The following TEC variants were observed in gnomAD, a reference collection of about 807,000 sequenced individuals.
The protein encoded by TEC is tyrosine-protein kinase Tec.
TEC carries 72 observed loss-of-function variants against 93.0 expected under a neutral mutation model. The ratio of observed to expected loss-of-function variants is 0.77; its 90% CI spans 0.64 to 0.94. The LOEUF is 0.94. TEC is among the 40% of genes least tolerant of loss of function. TEC has a pLI of 0.00. For synonymous variants in TEC, 249 were observed against 247.7 expected, an observed-to-expected ratio of 1.01 and a Z score of -0.05; for missense variants, 630 against 757.9, an observed-to-expected ratio of 0.83 and a Z score of 1.98.
chr4:48,269,506 A>G (rs1481268045), intron 1 of TEC, among the ~76,000 whole-genome samples: 1 of 152,238 alleles, frequency 6.6e-6, no homozygotes, highest in Non-Finnish European at 1.5e-5. Flanking sequence ...AGAAGTGGAG[A>G]ATCTACTGCC....
In TEC at chr4:48,194,568, G is replaced by A. The variant is rs550479022; in HGVS notation, c.139-18382C>T. On this transcript the variant is annotated intron_variant, in intron 2 of 17. Transcript: ENST00000381501. ...GAAACATTCCCTCCTTGTTTTCAAT[G>A]AATACAGTCAGCCATACCAGGTAAA... Among the ~76,000 whole-genome samples, 213 of 152,224 alleles carry A rather than the reference G, an allele frequency of 1.4e-3. 2 individuals are homozygous for A. The highest frequency in any genetic ancestry group is 4.9e-3 in the African/African-American group (204 of 41,510).
At chr4:48,242,243 A>T (rs2109657944) in intron 1 of TEC, among the ~76,000 whole-genome samples, 1 of 152,368 alleles carries the variant, frequency 6.6e-6, no homozygotes, top group East Asian at 1.9e-4. Flanking sequence ...TCCATTACAT[A>T]TCAATTTCTC....
chr4:48,187,998 T>C (rs772950698), intron 2 of TEC, among the ~76,000 whole-genome samples: 16 of 152,174 alleles, frequency 1.1e-4, no homozygotes, highest in Non-Finnish European at 1.6e-4. Flanking sequence ...TTATCTGCCA[T>C]GCACTTAAGT....
chr4:48,210,390 TGGGAGGATCCCTTG>T (rs1722860375), intron 2 of TEC, among the ~76,000 whole-genome samples: 1 of 151,836 alleles, frequency 6.6e-6, no homozygotes, highest in Admixed American at 6.6e-5. Flanking sequence ...GAGGCCAAGG[TGGGAGGATCCCTTG>T]AGCCCAGGAG....
intron 2 of TEC, among the ~76,000 whole-genome samples, chr4:48,179,367 TATATATATA>T (rs200933014): frequency 1.0e-3 from 43 of 41,130 alleles, no homozygotes; most frequent in East Asian, 2.6e-3. Context: ...TATATATATA[TATATATATA>T]TTTTTTTTTT....
intron 2 of TEC, among the ~76,000 whole-genome samples, chr4:48,201,369 T>C (rs556600278): frequency 2.2e-4 from 33 of 152,066 alleles, no homozygotes; most frequent in Non-Finnish European, 4.3e-4. Flanking sequence ...ACTGGGAAAG[T>C]CATCTGCACA....
chr4:48,211,323 C>T (rs1722890408), intron 2 of TEC, among the ~76,000 whole-genome samples: 1 of 152,106 alleles, frequency 6.6e-6, no homozygotes, highest in Non-Finnish European at 1.5e-5. Context: ...GAATTTTGGT[C>T]TTGTTTCCTG....
chr4:48,266,261 A>T (rs537619364), intron 1 of TEC, among the ~76,000 whole-genome samples: 28 of 152,342 alleles, frequency 1.8e-4, no homozygotes, highest in Non-Finnish European at 3.2e-4. Context: ...TGAGGAAGAC[A>T]TGTGCTACAA....
intron 2 of TEC, among the ~76,000 whole-genome samples, chr4:48,206,264 C>T (rs185683583): frequency 4.6e-5 from 7 of 152,088 alleles, no homozygotes; most frequent in Non-Finnish European, 7.4e-5. Flanking sequence ...GATTTTTAAA[C>T]GACATTATAA....
chr4:48,264,864 C>T (rs6836661), intron 1 of TEC, among the ~76,000 whole-genome samples: 29,738 of 151,928 alleles, frequency 0.2, 3,372 homozygotes, highest in East Asian at 0.42. Context: ...GTCTTGAACT[C>T]CTGACCTCAA....
intron 2 of TEC, among the ~76,000 whole-genome samples, chr4:48,216,920 G>T (rs542020138): frequency 1.3e-5 from 2 of 152,236 alleles, no homozygotes; most frequent in South Asian, 4.1e-4. Context: ...TCAAGATCTA[G>T]AATATGTCTA....
In TEC at chr4:48,191,262, G is replaced by C. The variant is rs1273747185; in HGVS notation, c.139-15076C>G. Among the ~76,000 whole-genome samples, 7 of 152,014 alleles carry C rather than the reference G, an allele frequency of 4.6e-5. No individual in the cohort carries two copies. The South Asian group carries it at 1.0e-3, about 22-fold the overall frequency. On this transcript the variant is annotated intron_variant, in intron 2 of 17. Transcript: ENST00000381501. ...CACAATCACTTACTGTCAGTTATTT[G>C]GTTTGTTTTTGCCTTTAAATATAAG...
chr4:48,208,388 G>A (rs1462073897), intron 2 of TEC, among the ~76,000 whole-genome samples: 2 of 152,094 alleles, frequency 1.3e-5, no homozygotes, highest in African/African-American at 2.4e-5. Context: ...CAACATACAT[G>A]AATTAGCAAC....
intron 9 of TEC, among the ~76,000 whole-genome samples, chr4:48,156,139 G>A (rs974591095): frequency 7.2e-5 from 11 of 152,146 alleles, no homozygotes; most frequent in Non-Finnish European, 1.2e-4. Flanking sequence ...CCAAGGCTTT[G>A]GGTATATGAA....
At chr4:48,245,839 C>T (rs1010653294) in intron 1 of TEC, among the ~76,000 whole-genome samples, 1 of 151,962 alleles carries the variant, frequency 6.6e-6, no homozygotes, top group Non-Finnish European at 1.5e-5. Flanking sequence ...GGCCAAGCAC[C>T]GTGGCTCATG....
Position 48,145,400 on chromosome 4 carries a change from C to G in TEC, c.1253+8G>C. The stretch of plus-strand genomic sequence containing the variant: ...AAAAGATGAGCCAGAAAGATGATAG[C>G]AACTTACATCATCACTTTAGCTTCT... On this transcript the variant is annotated splice_region_variant and intron_variant, in intron 13 of 17. Coordinates refer to ENST00000381501, the MANE Select transcript of TEC (RefSeq NM_003215.3). 1 of 1,613,922 alleles carries G rather than the reference C, an allele frequency of 6.2e-7. No individual in the cohort carries two copies. The highest frequency in any genetic ancestry group is 8.5e-7 in the Non-Finnish European group (1 of 1,179,884).
At position 48,163,773 on chromosome 4, in the gene TEC, A is replaced by C. The variant is rs1720767698; in HGVS notation, c.672-6T>G. 1 of 1,427,386 alleles carries C rather than the reference A, an allele frequency of 7.0e-7. No individual in the cohort carries two copies. Among genetic ancestry groups the C allele is most frequent in the African/African-American group, 1.4e-5 (1 of 69,608 alleles). 88.4% of individuals were successfully genotyped at this position (1,427,386 alleles called of 1,614,324 possible). A position where few individuals can be genotyped will look rare whatever the true frequency, so the allele number is the denominator to read the frequency against. On this transcript the variant is annotated splice_polypyrimidine_tract_variant and splice_region_variant and intron_variant, in intron 7 of 17. Coordinates refer to ENST00000381501, the MANE Select transcript of TEC (RefSeq NM_003215.3). Reference sequence around the variant, plus strand: ...TTGGGATATATCCTTCATTCCTAGAAATAAGAAAAATACTTTAGGTAAACT... The same window carrying C: ...TTGGGATATATCCTTCATTCCTAGACATAAGAAAAATACTTTAGGTAAACT...
chr4:48,205,694 T>C (rs1390003538), intron 2 of TEC, among the ~76,000 whole-genome samples: 1 of 151,928 alleles, frequency 6.6e-6, no homozygotes, highest in Non-Finnish European at 1.5e-5. Context: ...AAAGAGAAAA[T>C]AACAAGTGTA....
chr4:48,252,200 T>C lies in TEC; in HGVS notation c.-46+17552A>G, dbSNP rs1724222255. On this transcript the variant is annotated intron_variant, in intron 1 of 17. Coordinates refer to ENST00000381501, the MANE Select transcript of TEC (RefSeq NM_003215.3). ...TAATAATTATGACTTCACAGAGTTG[T>C]AAGAATTAAATAAGCAAATATACAT... Among the ~76,000 whole-genome samples, 3 of 152,216 alleles carry C rather than the reference T, an allele frequency of 2.0e-5. No individual in the cohort carries two copies. In the South Asian group the frequency reaches 6.2e-4, roughly 32 times the overall value.
Sources: gnomAD v4.1 joint callset for allele counts (sites outside exome capture counted in the v4.1 genomes callset) on GRCh38, gnomAD v4.1.1 for gene constraint, MANE v1.5 for transcripts, NCBI Gene and HGNC (gene_info 2026-07-23, HGNC 2026-07-21) for gene names.